PSMA5: variants seen among roughly 807,000 people sequenced by gnomAD.
PSMA5 encodes proteasome subunit alpha type-5.
A neutral mutation model predicts 34.5 loss-of-function variants in PSMA5; 3 were observed. The ratio of observed to expected loss-of-function variants is 0.09; its 90% CI spans 0.04 to 0.22. The LOEUF (loss-of-function observed/expected upper bound fraction) is 0.22, where lower values mean the gene tolerates loss of function less well. Among genes scored for constraint, PSMA5 ranks in the 10% least tolerant of loss-of-function variants. The pLI is 1.00. For missense variants in PSMA5, 120 were observed against 286.1 expected, an observed-to-expected ratio of 0.42 and a Z score of 4.19; for synonymous variants, 88 against 95.8, an observed-to-expected ratio of 0.92 and a Z score of 0.47.
intron 1 of PSMA5, chr1:109,426,098 G>T (rs778228090): frequency 1.1e-4 from 73 of 647,442 alleles, no homozygotes; most frequent in Non-Finnish European, 1.6e-4. Context: ...GGACCCAGGG[G>T]TGACTCAGCG....
chr1:109,414,548 C>T (rs1201078478), intron 3 of PSMA5, among the ~76,000 whole-genome samples: 1 of 152,176 alleles, frequency 6.6e-6, no homozygotes, highest in African/African-American at 2.4e-5. Context: ...TTGTTGAACA[C>T]AGTGACACTG....
In PSMA5 at chr1:109,426,265, C is replaced by G. The variant is rs767322028; in HGVS notation, c.29+37G>C. 2.0e-5 allele frequency: 33 copies of G among 1,613,068 alleles called. No individual in the cohort carries two copies. In the South Asian group the frequency reaches 3.5e-4, roughly 17 times the overall value. ...GCGGCCAGGTCCCGGGCCTGCCCAC[C>G]CATAATTCCCACCCGACGTCCCCCA... On this transcript the variant is annotated intron_variant, in intron 1 of 8. Coordinates refer to ENST00000271308, the MANE Select transcript of PSMA5 (RefSeq NM_002790.4).
At chr1:109,405,899 C>T (rs1416480410) in intron 8 of PSMA5, among the ~76,000 whole-genome samples, 1 of 151,970 alleles carries the variant, frequency 6.6e-6, no homozygotes, top group Admixed American at 6.6e-5. Flanking sequence ...GGAACCTGAA[C>T]AAAAGGCGGC....
chr1:109,408,713 C>T (rs769537718), intron 8 of PSMA5, among the ~76,000 whole-genome samples: 3 of 150,446 alleles, frequency 2.0e-5, no homozygotes, highest in African/African-American at 7.3e-5. Context: ...TTTTTCGGGA[C>T]GGAGTCTCGT....
chr1:109,417,440 TGCAAGGTGGTTCAATGTTTAAGAAACAG>T (rs1161228686), intron 2 of PSMA5, among the ~76,000 whole-genome samples: 1 of 152,176 alleles, frequency 6.6e-6, no homozygotes, highest in Non-Finnish European at 1.5e-5. Context: ...AGCTAAAAAT[TGCAAGGTGGTTCAATGTTTAAGAAACAG>T]ATTCCCGGAT....
chr1:109,425,825 T>C (rs1044522357), intron 1 of PSMA5: 222 of 159,024 alleles, frequency 1.4e-3, no homozygotes, highest in African/African-American at 4.7e-3. Flanking sequence ...CCAGACAATA[T>C]ATCCAGCCAA....
At chr1:109,423,566 ATCCAGCC>A (rs2100976300) in intron 1 of PSMA5, among the ~76,000 whole-genome samples, 1 of 152,292 alleles carries the variant, frequency 6.6e-6, no homozygotes, top group African/African-American at 2.4e-5. Context: ...ATCTCTTTAA[ATCCAGCC>A]ACCTTGCAAA....
intron 1 of PSMA5, among the ~76,000 whole-genome samples, chr1:109,424,542 C>A (rs1654573516): frequency 6.6e-6 from 1 of 152,076 alleles, no homozygotes; most frequent in South Asian, 2.1e-4. Flanking sequence ...CTTTGGGAGG[C>A]CAAGGCAGGT....
intron 2 of PSMA5, 83 bp from the exon 3 acceptor site, chr1:109,415,446 C>CA: frequency 7.1e-7 from 1 of 1,417,210 alleles, no homozygotes; most frequent in Admixed American, 2.2e-5. Context: ...TGTAAATCTT[C>CA]ACATGATAGA....
At chr1:109,405,150 C>T (rs1653698073) in intron 8 of PSMA5, among the ~76,000 whole-genome samples, 1 of 152,176 alleles carries the variant, frequency 6.6e-6, no homozygotes, top group South Asian at 2.1e-4. Flanking sequence ...TCATGGGAGA[C>T]AGTACGTTAA....
chr1:109,426,074 T>G (rs766798095), intron 1 of PSMA5: 1 of 598,674 alleles, frequency 1.7e-6, no homozygotes, highest in Non-Finnish European at 3.0e-6. Flanking sequence ...GCTTCTCGCT[T>G]CCGCACCGAG....
chr1:109,399,903 T>C lies in PSMA5; in HGVS notation c.*2110A>G, dbSNP rs1653433131. The C allele has an allele frequency of 6.6e-6, 1 of 152,196 alleles. No homozygotes were observed. The allele number at this position is 152,196 out of a possible 1,614,324, so 9.4% of individuals were successfully genotyped here. ...ACCTTATTTGCAGGACTAAAGTAAATTTATCTTATTACTAAAAACCGTACC... is the reference window on the plus strand; with the variant it reads ...ACCTTATTTGCAGGACTAAAGTAAACTTATCTTATTACTAAAAACCGTACC... On this transcript the variant is annotated 3_prime_UTR_variant, in exon 9 of 9. Transcript: ENST00000271308.
chr1:109,409,181 G>A (rs1291728205), intron 8 of PSMA5, among the ~76,000 whole-genome samples: 1 of 152,104 alleles, frequency 6.6e-6, no homozygotes, highest in Non-Finnish European at 1.5e-5. Context: ...TTTTGAGACA[G>A]AGTCTCGCTC....
chr1:109,421,763 C>A, intron 2 of PSMA5, 97 bp downstream of exon 2: 1 of 988,406 alleles, frequency 1.0e-6, no homozygotes, highest in Non-Finnish European at 1.5e-6. Flanking sequence ...AGAACATTTT[C>A]TAAAGGAATG....
chr1:109,426,137 G>A (rs904647334), intron 1 of PSMA5, 165 bp downstream of exon 1: 24 of 879,242 alleles, frequency 2.7e-5, no homozygotes, highest in Non-Finnish European at 4.0e-5. Context: ...ATGTGGTCTA[G>A]CTTGGGGAAG....
chr1:109,406,817 A>G (rs1050717807), intron 8 of PSMA5, among the ~76,000 whole-genome samples: 6 of 152,198 alleles, frequency 3.9e-5, no homozygotes, highest in Non-Finnish European at 8.8e-5. Flanking sequence ...GGTGACAGAT[A>G]CTGGGGGTTG....
intron 2 of PSMA5, among the ~76,000 whole-genome samples, chr1:109,416,176 A>G (rs1327357458): frequency 6.6e-6 from 1 of 152,184 alleles, no homozygotes; most frequent in Non-Finnish European, 1.5e-5. Context: ...AGCCTCTCTC[A>G]TCTTTAATCT....
intron 3 of PSMA5, among the ~76,000 whole-genome samples, chr1:109,414,219 C>T (rs531350360): frequency 3.2e-4 from 48 of 152,328 alleles, no homozygotes; most frequent in African/African-American, 1.2e-3. Context: ...CTCTCCCTTG[C>T]TATACCCAGA....
chr1:109,415,711 T>G (rs1013148344), intron 2 of PSMA5, among the ~76,000 whole-genome samples: 5 of 152,170 alleles, frequency 3.3e-5, no homozygotes. Flanking sequence ...CACTCTCTAA[T>G]GCCAATATTT....
Sources: allele counts gnomAD v4.1 joint callset (sites outside exome capture counted in the v4.1 genomes callset), GRCh38; gene constraint gnomAD v4.1.1; transcripts MANE v1.5; gene names NCBI Gene and HGNC (gene_info 2026-07-23, HGNC 2026-07-21).